ANKRD36B: variants seen among roughly 807,000 people sequenced by gnomAD.
ANKRD36B encodes ankyrin repeat domain-containing protein 36B.
Under a neutral mutation model 135.7 loss-of-function variants are expected in ANKRD36B, and 37 were observed. That is an observed-to-expected ratio of 0.27 (90% CI 0.21 to 0.36). The LOEUF is 0.36. Ranked by LOEUF, ANKRD36B falls within the 10% of genes least tolerant of loss-of-function variation. The probability of loss-of-function intolerance (pLI) is 1.00; values close to 1 mark genes in which losing one functional copy is unlikely to be tolerated. For synonymous variants in ANKRD36B, 179 were observed against 348.1 expected (o/e 0.51, Z 5.41); for missense variants, 549 against 1,037.1 (o/e 0.53, Z 6.46).
rs1223929182 is a variant in ANKRD36B at position 97,578,954 on chromosome 2, A to G, written c.647T>C (p.Val216Ala). 1 of 1,612,920 alleles carries G rather than the reference A, an allele frequency of 6.2e-7. No homozygotes were observed. Among genetic ancestry groups the G allele is most frequent in the African/African-American group, 1.3e-5 (1 of 74,882 alleles). ...QHNIDVFSRD[V>A]YGKLAEDYAS... is the part of the protein sequence containing the mutation. ...ATAATCTTCTGCAAGCTTTCCATACACATCTCGAGAAAACACATCAATATT... is the reference window on the plus strand; with the variant it reads ...ATAATCTTCTGCAAGCTTTCCATACGCATCTCGAGAAAACACATCAATATT... Residue 216 changes from valine to alanine, a missense_variant, in exon 5 of 44, where the codon GTG (valine) becomes GCG (alanine). Val to Ala is a moderately conservative substitution (Grantham distance 64, BLOSUM62 0). Coordinates refer to ENST00000359901, the MANE Select transcript of ANKRD36B (RefSeq NM_001393939.1).
At chr2:97,526,921 C>A (rs1230809029) in intron 35 of ANKRD36B, among the ~76,000 whole-genome samples, 1 of 96,516 alleles carries the variant, frequency 1.0e-5, no homozygotes, top group Non-Finnish European at 2.8e-5. Context: ...ACCAAATCTA[C>A]ATCTGATTGG....
At chr2:97,566,840 C>G (rs1245265141) in intron 6 of ANKRD36B, among the ~76,000 whole-genome samples, 1 of 152,060 alleles carries the variant, frequency 6.6e-6, no homozygotes, top group Non-Finnish European at 1.5e-5. Context: ...TTTCTGTGAC[C>G]AAATATGTAT....
Position 97,524,695 on chromosome 2 carries a change from T to C in ANKRD36B, c.2266-1228A>G, listed in dbSNP as rs1269051507. ...TAAGTTTGTTCTTCCTGTAGAGTTA[T>C]TATGTAGTTGCTCTTCCTCAATACA... On this transcript the variant is annotated intron_variant, in intron 35 of 43. Transcript: ENST00000359901. The C allele has an allele frequency of 4.1e-5, 4 of 97,232 alleles. 1 individual carries two copies. The highest frequency in any genetic ancestry group is 8.2e-5 in the Non-Finnish European group (3 of 36,486). 6.0% of individuals were successfully genotyped at this position (97,232 alleles called of 1,614,324 possible). A position where few individuals can be genotyped will look rare whatever the true frequency, so the allele number is the denominator to read the frequency against.
At chr2:97,581,387 A>G (rs562826820) in intron 3 of ANKRD36B, among the ~76,000 whole-genome samples, 1 of 151,898 alleles carries the variant, frequency 6.6e-6, no homozygotes, top group Admixed American at 6.5e-5. Context: ...CACGATTGAC[A>G]GTTCATTTGA....
intron 35 of ANKRD36B, chr2:97,524,657 G>A (rs2078095892): frequency 1.0e-5 from 1 of 96,824 alleles, no homozygotes; most frequent in South Asian, 2.3e-4. Flanking sequence ...TGTCAAATTA[G>A]AGGGTATTTA....
chr2:97,565,726 A>C (rs1264509224), intron 6 of ANKRD36B, among the ~76,000 whole-genome samples: 1 of 152,154 alleles, frequency 6.6e-6, no homozygotes, highest in African/African-American at 2.4e-5. Flanking sequence ...AGATGTGGAG[A>C]AATAGGAATG....
At chr2:97,574,973 C>T (rs1186681288) in intron 6 of ANKRD36B, among the ~76,000 whole-genome samples, 1 of 151,962 alleles carries the variant, frequency 6.6e-6, no homozygotes, top group Non-Finnish European at 1.5e-5. Context: ...ACAGACATAC[C>T]AATCACATCA....
In ANKRD36B at chr2:97,545,767, A is replaced by G. The variant is rs1441366343; in HGVS notation, c.1609-29T>C. The G allele has an allele frequency of 2.1e-6, 2 of 958,346 alleles. 1 individual carries two copies. The highest frequency in any genetic ancestry group is 3.3e-5 in the African/African-American group (2 of 59,892). 59.4% of individuals were successfully genotyped at this position (958,346 alleles called of 1,614,324 possible). On this transcript the variant is annotated intron_variant, in intron 23 of 43. Transcript: ENST00000359901. ...AATGGAATTTGAAACAGAACAGTCA[A>G]TAAATAAAGTATATTTCATAGACTA...
chr2:97,566,117 C>T (rs2081408589), intron 6 of ANKRD36B, among the ~76,000 whole-genome samples: 1 of 151,258 alleles, frequency 6.6e-6, no homozygotes, highest in South Asian at 2.1e-4. Context: ...AGTTTGAGAC[C>T]AGCCTGGCCA....
At position 97,496,847 on chromosome 2, in the gene ANKRD36B, A is replaced by C. The variant is rs1329672428; in HGVS notation, c.*7-3992T>G. On this transcript the variant is annotated intron_variant, in intron 43 of 43. Coordinates refer to ENST00000359901, the MANE Select transcript of ANKRD36B (RefSeq NM_001393939.1). The stretch of plus-strand genomic sequence containing the variant: ...TATATGTGTGTGTATATATATATAT[A>C]TATATATATATATCTTTTAAAATAT... 1.0e-3 allele frequency among the ~76,000 whole-genome samples: 72 copies of C among 72,324 alleles called. 16 individuals are homozygous for C. The highest frequency in any genetic ancestry group is 3.7e-3 in the African/African-American group (57 of 15,420). The allele number at this position is 72,324 out of a possible 152,430, so 47.4% of individuals were successfully genotyped here. A position where few individuals can be genotyped will look rare whatever the true frequency, so the allele number is the denominator to read the frequency against.
At chr2:97,523,713 G>A (rs1291725444) in intron 35 of ANKRD36B, among the ~76,000 whole-genome samples, 1 of 71,684 alleles carries the variant, frequency 1.4e-5, no homozygotes, top group African/African-American at 4.1e-5. Flanking sequence ...GGTTAATTAA[G>A]GAACAAAGAT....
chr2:97,575,551 TTTCTGC>T (rs1417747153), intron 6 of ANKRD36B, among the ~76,000 whole-genome samples: 1 of 148,952 alleles, frequency 6.7e-6, no homozygotes, highest in Non-Finnish European at 1.5e-5. Flanking sequence ...CTGTACCTCT[TTTCTGC>T]TTCTGCTTTA....
At chr2:97,552,562 C>G (rs1309864314) in intron 16 of ANKRD36B, among the ~76,000 whole-genome samples, 2 of 151,868 alleles carry the variant, frequency 1.3e-5, no homozygotes, top group Non-Finnish European at 2.9e-5. Context: ...TCCAATAGTT[C>G]CTGGAGCTGC....
intron 6 of ANKRD36B, among the ~76,000 whole-genome samples, chr2:97,566,623 CAG>C (rs1198026708): frequency 6.6e-6 from 1 of 151,986 alleles, no homozygotes; most frequent in East Asian, 1.9e-4. Context: ...ATAATTCTAA[CAG>C]AATTATATCA....
chr2:97,569,214 G>T (rs2081652890), intron 6 of ANKRD36B, among the ~76,000 whole-genome samples: 3 of 152,016 alleles, frequency 2.0e-5, no homozygotes, highest in Admixed American at 1.3e-4. Flanking sequence ...AACATGTAAA[G>T]CATATGCCAT....
chr2:97,554,991 T>G, intron 14 of ANKRD36B, 69 bp downstream of exon 14: 1 of 1,548,264 alleles, frequency 6.5e-7, no homozygotes, highest in South Asian at 1.2e-5. Flanking sequence ...CCCCACTGAT[T>G]TATTTGGGGA....
chr2:97,555,308 C>T, intron 12 of ANKRD36B, 54 bp from the exon 13 acceptor site: 4 of 1,603,794 alleles, frequency 2.5e-6, no homozygotes, highest in Non-Finnish European at 3.4e-6. Context: ...ATAAAGTTAT[C>T]CATACATTCA....
In ANKRD36B at chr2:97,538,211, CA is replaced by C. The variant is rs1559137504; in HGVS notation, c.2045del (p.Leu682Ter). 8.0e-7 allele frequency: 1 copy of C among 1,255,948 alleles called. No individual in the cohort carries two copies. The highest frequency in any genetic ancestry group is 1.1e-6 in the Non-Finnish European group (1 of 916,208). 77.8% of individuals were successfully genotyped at this position (1,255,948 alleles called of 1,614,324 possible). ...KVIFKKKVSL[L>X]NIATRITGGG... ...CGCCCGTTATTCTTGTGGCAATATTCAAAAGAGAAACTTTCTTTTTAAATAT... is the reference window on the plus strand; with the variant it reads ...CGCCCGTTATTCTTGTGGCAATATTCAAAGAGAAACTTTCTTTTTAAATAT... On this transcript the variant is annotated frameshift_variant, in exon 32 of 44. Transcript: ENST00000359901. LOFTEE classifies it high-confidence loss of function.
rs752284457 is a variant in ANKRD36B at position 97,551,304 on chromosome 2, C to T, written c.1360G>A (p.Glu454Lys). ...GCAAAATTACCTGTCCTAGATATTTCTCCATCCTTTTTTTCTCTGGTTATA... is the reference window on the plus strand; with the variant it reads ...GCAAAATTACCTGTCCTAGATATTTTTCCATCCTTTTTTTCTCTGGTTATA... ...SNITREKKDG[E>K]ISRTVSSQKP... Residue 454 changes from glutamate to lysine, a missense_variant, in exon 18 of 44, where the codon GAA becomes AAA. Transcript: ENST00000359901. The T allele has an allele frequency of 3.2e-6, 5 of 1,566,724 alleles. No homozygotes were observed. The highest frequency in any genetic ancestry group is 4.3e-6 in the Non-Finnish European group (5 of 1,159,346).
Sources: allele counts gnomAD v4.1 joint callset (sites outside exome capture counted in the v4.1 genomes callset), GRCh38; gene constraint gnomAD v4.1.1; transcripts MANE v1.5; gene names NCBI Gene and HGNC (gene_info 2026-07-23, HGNC 2026-07-21).